The following ERBB4 variants were observed in gnomAD, a reference collection of about 807,000 sequenced individuals.
The protein encoded by ERBB4 is receptor tyrosine-protein kinase erbB-4.
Under a neutral mutation model 158.0 loss-of-function variants are expected in ERBB4, and 42 were observed. That is an observed-to-expected ratio of 0.27 (90% CI 0.21 to 0.34). The LOEUF (loss-of-function observed/expected upper bound fraction) is 0.34, where lower values mean the gene tolerates loss of function less well. Ranked by LOEUF, ERBB4 falls within the 10% of genes least tolerant of loss-of-function variation. The pLI, the probability that ERBB4 is intolerant of heterozygous loss-of-function variation, is 1.00. For synonymous variants in ERBB4, 583 were observed against 558.7 expected, an observed-to-expected ratio of 1.04 and a Z score of -0.61; for missense variants, 1,333 against 1,624.1, an observed-to-expected ratio of 0.82 and a Z score of 3.08.
chr2:211,694,205 C>T (rs530224691), intron 12 of ERBB4, among the ~76,000 whole-genome samples: 1 of 152,154 alleles, frequency 6.6e-6, no homozygotes, highest in Non-Finnish European at 1.5e-5. Flanking sequence ...ATACAACTCA[C>T]AACACTGTCT....
At chr2:211,577,570 C>A (rs1473688722) in intron 19 of ERBB4, among the ~76,000 whole-genome samples, 1 of 151,984 alleles carries the variant, frequency 6.6e-6, no homozygotes, top group Non-Finnish European at 1.5e-5. Flanking sequence ...CAATAAATTC[C>A]TGGCAAACTG....
At chr2:211,616,863 T>C (rs920612585) in intron 19 of ERBB4, among the ~76,000 whole-genome samples, 4 of 152,128 alleles carry the variant, frequency 2.6e-5, no homozygotes, top group African/African-American at 7.2e-5. Flanking sequence ...TTTAACTTTT[T>C]TTAACTTTTA....
intron 1 of ERBB4, among the ~76,000 whole-genome samples, chr2:212,487,054 C>T (rs1690016281): frequency 6.6e-6 from 1 of 152,078 alleles, no homozygotes; most frequent in African/African-American, 2.4e-5. Context: ...TGAAAAATAT[C>T]TCTTAAGCAT....
chr2:211,845,222 T>C (rs769243367), intron 3 of ERBB4, among the ~76,000 whole-genome samples: 14 of 151,914 alleles, frequency 9.2e-5, no homozygotes, highest in Non-Finnish European at 1.6e-4. Context: ...ACCAATACCC[T>C]AGACAAATCA....
intron 1 of ERBB4, among the ~76,000 whole-genome samples, chr2:212,506,339 G>A (rs1169089094): frequency 7.3e-6 from 1 of 136,348 alleles, no homozygotes. Context: ...AAGTGTTCAA[G>A]TAAAAAGAAT....
intron 20 of ERBB4, among the ~76,000 whole-genome samples, chr2:211,526,023 C>T (rs2066338766): frequency 1.3e-5 from 2 of 152,130 alleles, no homozygotes; most frequent in African/African-American, 2.4e-5. Flanking sequence ...TGAGGAAACT[C>T]GACACCCTGA....
intron 1 of ERBB4, among the ~76,000 whole-genome samples, chr2:212,532,617 GAAGC>G (rs1232239568): frequency 6.6e-6 from 1 of 152,214 alleles, no homozygotes; most frequent in African/African-American, 2.4e-5. Context: ...GATTGAGACA[GAAGC>G]AAGTAGTCTA....
chr2:212,072,285 ATCT>A (rs1404712929), intron 2 of ERBB4, among the ~76,000 whole-genome samples: 4 of 151,962 alleles, frequency 2.6e-5, no homozygotes, highest in African/African-American at 9.7e-5. Context: ...TCTTAGGCAA[ATCT>A]TCAGCTAATT....
At chr2:211,424,417 T>TAA (rs374110275) in intron 22 of ERBB4, 116 bp from the exon 23 acceptor site, 25 of 548,532 alleles carry the variant, frequency 4.6e-5, no homozygotes, top group South Asian at 1.3e-4. Context: ...ACCAATCAAT[T>TAA]AAAAAAAAAA....
intron 1 of ERBB4, among the ~76,000 whole-genome samples, chr2:212,147,843 T>G (rs1277762618): frequency 6.6e-6 from 1 of 152,040 alleles, no homozygotes; most frequent in East Asian, 1.9e-4. Context: ...TAACATAAAG[T>G]TTCTTCATAT....
chr2:211,719,031 T>G (rs7425190), intron 7 of ERBB4, among the ~76,000 whole-genome samples: 103,377 of 152,074 alleles, frequency 0.68, 35,620 homozygotes, highest in Non-Finnish European at 0.73. Flanking sequence ...CCAGGGTCAT[T>G]TGCCCATTAA....
At chr2:212,034,074 G>C (rs2076960943) in intron 2 of ERBB4, among the ~76,000 whole-genome samples, 1 of 151,638 alleles carries the variant, frequency 6.6e-6, no homozygotes, top group African/African-American at 2.4e-5. Context: ...AAATCAGTAG[G>C]GGTTATGAGC....
intron 1 of ERBB4, among the ~76,000 whole-genome samples, chr2:212,271,551 T>G (rs973168619): frequency 1.3e-5 from 2 of 151,790 alleles, no homozygotes; most frequent in Non-Finnish European, 2.9e-5. Context: ...TCTTTCAAAA[T>G]CACAAAGCAA....
intron 5 of ERBB4, among the ~76,000 whole-genome samples, chr2:211,732,010 AT>A (rs111911983): frequency 0.018 from 2,689 of 146,352 alleles, 71 homozygotes; most frequent in African/African-American, 0.059. Flanking sequence ...CAGAAAATTC[AT>A]TTTTTTTTTT....
intron 2 of ERBB4, among the ~76,000 whole-genome samples, chr2:212,059,918 C>T (rs2077707735): frequency 6.6e-6 from 1 of 152,148 alleles, no homozygotes; most frequent in African/African-American, 2.4e-5. Context: ...AAAGCAATGG[C>T]AACAAAAGCC....
rs1559694291 is a variant in ERBB4 at position 212,189,081 on chromosome 2, T to TGG, written c.83-64179_83-64178insCC. Among the ~76,000 whole-genome samples the TGG allele has an allele frequency of 4.6e-4, 56 of 121,106 alleles. 2 individuals are homozygous for TGG. Among genetic ancestry groups the TGG allele is most frequent in the South Asian group, 3.0e-3 (9 of 2,960 alleles). 79.5% of individuals were successfully genotyped at this position (121,106 alleles called of 152,430 possible). ...GTATTTCAGATTTCTAACTTTTTTT[T>TGG]TGGGGGGGGGGGTGATTTTTGAATA... On this transcript the variant is annotated intron_variant, in intron 1 of 27. Coordinates refer to ENST00000342788, the MANE Select transcript of ERBB4 (RefSeq NM_005235.3).
chr2:212,491,059 A>G (rs1184415803), intron 1 of ERBB4, among the ~76,000 whole-genome samples: 1 of 151,640 alleles, frequency 6.6e-6, no homozygotes, highest in African/African-American at 2.4e-5. Context: ...AAGATAATCA[A>G]CTATTAAAGA....
At chr2:211,730,129 A>T (rs574266616) in intron 5 of ERBB4, among the ~76,000 whole-genome samples, 157 of 152,112 alleles carry the variant, frequency 1.0e-3, no homozygotes, top group African/African-American at 3.4e-3. Flanking sequence ...GCTTAATCTT[A>T]TCAGTATCTC....
In ERBB4 at chr2:212,190,093, T is replaced by C. The variant is rs139484159; in HGVS notation, c.83-65190A>G. Reference sequence around the variant, plus strand: ...AAAGTTCTATGTTACTTTTTAGTCATTGATAGTTATTACATTCTAAAAAGT... The same window carrying C: ...AAAGTTCTATGTTACTTTTTAGTCACTGATAGTTATTACATTCTAAAAAGT... On this transcript the variant is annotated intron_variant, in intron 1 of 27. Coordinates refer to ENST00000342788, the MANE Select transcript of ERBB4 (RefSeq NM_005235.3). Among the ~76,000 whole-genome samples, 739 of 152,332 alleles carry C rather than the reference T, an allele frequency of 4.9e-3. 7 individuals are homozygous for C. Among genetic ancestry groups the C allele is most frequent in the Middle Eastern group, 0.017 (5 of 294 alleles).
Sources: gnomAD v4.1 joint callset for allele counts (sites outside exome capture counted in the v4.1 genomes callset) on GRCh38, gnomAD v4.1.1 for gene constraint, MANE v1.5 for transcripts, NCBI Gene and HGNC (gene_info 2026-07-23, HGNC 2026-07-21) for gene names.